The following DPP10 variants were observed in gnomAD, a reference collection of about 807,000 sequenced individuals.
DPP10 encodes dipeptidyl peptidase like 10.
DPP10 carries 33 observed loss-of-function variants against 120.9 expected under a neutral mutation model. That is an observed-to-expected ratio of 0.27 (90% CI 0.21 to 0.37). The LOEUF is 0.37. DPP10 is among the 10% of genes least tolerant of loss of function. The probability of loss-of-function intolerance (pLI) is 1.00; values close to 1 mark genes in which losing one functional copy is unlikely to be tolerated. For missense variants in DPP10, 816 were observed against 942.8 expected (o/e 0.87, Z 1.76); for synonymous variants, 337 against 326.1 (o/e 1.03, Z -0.36).
chr2:115,630,538 G>A (rs1023462711), intron 5 of DPP10, among the ~76,000 whole-genome samples: 3 of 152,056 alleles, frequency 2.0e-5, no homozygotes, highest in East Asian at 3.9e-4. Context: ...TATTGGCTGT[G>A]GGTTTGTAAT....
intron 3 of DPP10, among the ~76,000 whole-genome samples, chr2:115,407,031 C>A (rs960248740): frequency 6.6e-6 from 1 of 152,038 alleles, no homozygotes; most frequent in Non-Finnish European, 1.5e-5. Flanking sequence ...TAAAAAAAAC[C>A]CTGTCAGCAA....
chr2:115,509,344 G>A (rs548592748), intron 4 of DPP10, among the ~76,000 whole-genome samples: 1 of 152,136 alleles, frequency 6.6e-6, no homozygotes, highest in Non-Finnish European at 1.5e-5. Context: ...GTTGGTGATG[G>A]CGGTTAGAAT....
intron 1 of DPP10, among the ~76,000 whole-genome samples, chr2:114,806,470 T>C (rs545508964): frequency 1.3e-5 from 2 of 152,336 alleles, no homozygotes; most frequent in South Asian, 2.1e-4. Flanking sequence ...AAGGAATAAA[T>C]TGAACTATAC....
At chr2:115,588,178 C>A (rs1307065799) in intron 5 of DPP10, among the ~76,000 whole-genome samples, 1 of 152,120 alleles carries the variant, frequency 6.6e-6, no homozygotes, top group East Asian at 1.9e-4. Flanking sequence ...ATCTCTTACC[C>A]ATTGGGTATT....
At chr2:115,756,930 C>A (rs1165365857) in intron 11 of DPP10, among the ~76,000 whole-genome samples, 1 of 151,898 alleles carries the variant, frequency 6.6e-6, no homozygotes, top group Non-Finnish European at 1.5e-5. Context: ...TATAAGGAGC[C>A]CACTCCTGTG....
Position 114,496,486 on chromosome 2 carries a change from C to T in DPP10, c.60+53648C>T, listed in dbSNP as rs554991012. 3.9e-5 allele frequency among the ~76,000 whole-genome samples: 6 copies of T among 151,984 alleles called. No individual in the cohort carries two copies. In the South Asian group the frequency reaches 1.3e-3, roughly 32 times the overall value. ...TTCAGTGTCTGGTGAAGATCTGACTCCTGGTTTGTAGATGACTGTTTTCTT... is the reference window on the plus strand; with the variant it reads ...TTCAGTGTCTGGTGAAGATCTGACTTCTGGTTTGTAGATGACTGTTTTCTT... On this transcript the variant is annotated intron_variant, in intron 1 of 25. Transcript: ENST00000410059.
rs1692683020 is a variant in DPP10, at chr2:114,893,191, G to T, written c.61-416048G>T. Among the ~76,000 whole-genome samples, 3 of 152,234 alleles carry T rather than the reference G, an allele frequency of 2.0e-5. No homozygotes were observed. In the South Asian group the frequency reaches 6.2e-4, roughly 32 times the overall value. On this transcript the variant is annotated intron_variant, in intron 1 of 25. Coordinates refer to ENST00000410059, the MANE Select transcript of DPP10 (RefSeq NM_020868.6). ...AAACGATCACAAAATTCTTTGTCAA[G>T]AAACATCAATCTTACAGTACACTAA...
At chr2:115,588,248 G>A (rs1291420679) in intron 5 of DPP10, among the ~76,000 whole-genome samples, 1 of 152,114 alleles carries the variant, frequency 6.6e-6, no homozygotes, top group Non-Finnish European at 1.5e-5. Context: ...TATGTTTGGT[G>A]ATCTAGTTCC....
At chr2:115,214,373 A>G (rs1384817304) in intron 1 of DPP10, among the ~76,000 whole-genome samples, 2 of 152,204 alleles carry the variant, frequency 1.3e-5, no homozygotes, top group Non-Finnish European at 2.9e-5. Flanking sequence ...GTGTTACTTC[A>G]TTTCCAAGTC....
intron 3 of DPP10, among the ~76,000 whole-genome samples, chr2:115,453,154 T>C (rs1181967234): frequency 2.0e-5 from 3 of 151,512 alleles, no homozygotes; most frequent in African/African-American, 4.8e-5. Context: ...TTTCAATTAC[T>C]CCTCACTTAA....
At chr2:114,591,268 G>T (rs1691437337) in intron 1 of DPP10, among the ~76,000 whole-genome samples, 1 of 152,202 alleles carries the variant, frequency 6.6e-6, no homozygotes, top group South Asian at 2.1e-4. Flanking sequence ...CCTTTCAGAA[G>T]TTTTAAAAGC....
intron 1 of DPP10, among the ~76,000 whole-genome samples, chr2:114,482,203 A>G (rs543778588): frequency 1.3e-5 from 2 of 152,260 alleles, no homozygotes; most frequent in South Asian, 2.1e-4. Context: ...TTCCATTAAT[A>G]TAACATTTAA....
At chr2:115,802,347 G>A (rs1390103427) in intron 19 of DPP10, among the ~76,000 whole-genome samples, 2 of 152,140 alleles carry the variant, frequency 1.3e-5, no homozygotes, top group Admixed American at 1.3e-4. Flanking sequence ...CTTCCTAGCG[G>A]TCTATCAATT....
intron 1 of DPP10, among the ~76,000 whole-genome samples, chr2:114,561,737 C>T (rs575273501): frequency 1.3e-5 from 2 of 152,072 alleles, no homozygotes; most frequent in South Asian, 4.2e-4. Context: ...AATGCATTTT[C>T]AGCCAAAATA....
chr2:114,916,691 A>T (rs927026644), intron 1 of DPP10, among the ~76,000 whole-genome samples: 2 of 152,220 alleles, frequency 1.3e-5, no homozygotes, highest in African/African-American at 4.8e-5. Flanking sequence ...AATAAACGTG[A>T]TTCATCACAT....
chr2:114,510,854 T>C (rs1269528447), intron 1 of DPP10, among the ~76,000 whole-genome samples: 1 of 152,218 alleles, frequency 6.6e-6, no homozygotes, highest in Non-Finnish European at 1.5e-5. Flanking sequence ...AAGTGACAAT[T>C]GTACACTCAA....
chr2:115,459,938 T>TATATATATATATATATATATACACACAC (rs66927327), intron 3 of DPP10, among the ~76,000 whole-genome samples: 82 of 128,514 alleles, frequency 6.4e-4, no homozygotes, highest in East Asian at 3.5e-3. Flanking sequence ...TATATATATA[T>TATATATATATATATATATATACACACAC]ACACACACAC....
chr2:115,517,848 A>G (rs1386291400), intron 4 of DPP10, among the ~76,000 whole-genome samples: 1 of 152,150 alleles, frequency 6.6e-6, no homozygotes, highest in African/African-American at 2.4e-5. Flanking sequence ...TTCATTTTGT[A>G]TTGCTGTAAA....
chr2:115,237,450 A>T (rs999768684), intron 1 of DPP10, among the ~76,000 whole-genome samples: 1 of 152,176 alleles, frequency 6.6e-6, no homozygotes, highest in Non-Finnish European at 1.5e-5. Context: ...ATACACAGCA[A>T]CTTTGAAATT....
Sources: gnomAD v4.1 joint callset for allele counts (sites outside exome capture counted in the v4.1 genomes callset) on GRCh38, gnomAD v4.1.1 for gene constraint, MANE v1.5 for transcripts, NCBI Gene and HGNC (gene_info 2026-07-23, HGNC 2026-07-21) for gene names.